TLL2: variants seen among roughly 807,000 people sequenced by gnomAD.
The protein encoded by TLL2 is tolloid like 2, also known as tolloid-like protein 2.
Under a neutral mutation model 123.0 loss-of-function variants are expected in TLL2, and 106 were observed. The ratio of observed to expected loss-of-function variants is 0.86; its 90% CI spans 0.74 to 1.01. The LOEUF is 1.01. Ranked by LOEUF, TLL2 falls within the 50% of genes least tolerant of loss-of-function variation. TLL2 has a pLI of 0.00. For synonymous variants in TLL2, 494 were observed against 516.8 expected, an observed-to-expected ratio of 0.96 and a Z score of 0.60; for missense variants, 1,332 against 1,336.7, an observed-to-expected ratio of 1.00 and a Z score of 0.06.
At chr10:96,390,220 G>A (rs1395712957) in intron 13 of TLL2, among the ~76,000 whole-genome samples, 1 of 152,246 alleles carries the variant, frequency 6.6e-6, no homozygotes, top group East Asian at 1.9e-4. Flanking sequence ...AAATTGTTCA[G>A]AGAAAGTTAA....
At chr10:96,452,141 T>A (rs11188761) in intron 2 of TLL2, among the ~76,000 whole-genome samples, 46,217 of 152,192 alleles carry the variant, frequency 0.3, 7,797 homozygotes, top group Middle Eastern at 0.48. Context: ...ATGGAGGGGA[T>A]GGAAATTAAC....
intron 3 of TLL2, among the ~76,000 whole-genome samples, chr10:96,436,035 C>G (rs569392631): frequency 2.8e-4 from 43 of 152,294 alleles, no homozygotes; most frequent in Admixed American, 1.7e-3. Flanking sequence ...TCTAACACTG[C>G]ACTGTGTTCT....
intron 7 of TLL2, among the ~76,000 whole-genome samples, chr10:96,418,824 A>T (rs1349928812): frequency 6.7e-6 from 1 of 148,252 alleles, no homozygotes; most frequent in African/African-American, 2.5e-5. Context: ...GAATATATAA[A>T]TTGAATATAT....
intron 14 of TLL2, among the ~76,000 whole-genome samples, chr10:96,386,598 G>A (rs1222664386): frequency 1.3e-5 from 2 of 152,220 alleles, no homozygotes; most frequent in Admixed American, 6.5e-5. Context: ...ACACAAGCCA[G>A]GTAGAAATAG....
intron 2 of TLL2, among the ~76,000 whole-genome samples, chr10:96,449,788 A>T (rs1002020664): frequency 1.3e-5 from 2 of 151,630 alleles, no homozygotes. Context: ...TTGGCTTTCT[A>T]TTTTCCTCTT....
chr10:96,410,971 G>A (rs1315874756), intron 8 of TLL2, among the ~76,000 whole-genome samples: 2 of 152,148 alleles, frequency 1.3e-5, no homozygotes, highest in Non-Finnish European at 2.9e-5. Context: ...GCCAGGCGTG[G>A]TGGCTCACGC....
At chr10:96,472,307 C>T (rs1847191778) in intron 2 of TLL2, among the ~76,000 whole-genome samples, 1 of 152,132 alleles carries the variant, frequency 6.6e-6, no homozygotes, top group Non-Finnish European at 1.5e-5. Flanking sequence ...AGGGAGCCCC[C>T]CACTGACCCA....
At position 96,384,844 on chromosome 10, in the gene TLL2, T is replaced by G. The variant is rs549869753; in HGVS notation, c.2014-77A>C. On this transcript the variant is annotated intron_variant, in intron 15 of 20. Coordinates refer to ENST00000357947, the MANE Select transcript of TLL2 (RefSeq NM_012465.4). ...ACCCCCAGCACACTGCTGCACCTGC[T>G]TCCTGAGCGCCTCACCCTACCGTGT... 5 of 1,397,872 alleles carry G rather than the reference T, an allele frequency of 3.6e-6. No homozygotes were observed. The Admixed American group carries it at 7.4e-5, about 21-fold the overall frequency. The allele number at this position is 1,397,872 out of a possible 1,614,324, so 86.6% of individuals were successfully genotyped here.
chr10:96,470,716 G>A (rs1847170731), intron 2 of TLL2, among the ~76,000 whole-genome samples: 1 of 152,186 alleles, frequency 6.6e-6, no homozygotes. Context: ...TCTTGGCTCT[G>A]CCAATGATTA....
rs774640083 is a variant in TLL2, at chr10:96,513,715, A to C, written c.-30T>G. 1.6e-4 allele frequency: 234 copies of C among 1,469,794 alleles called. 2 individuals are homozygous for C. In the East Asian group the frequency reaches 6.1e-3, roughly 38 times the overall value. 91.0% of individuals were successfully genotyped at this position (1,469,794 alleles called of 1,614,324 possible). On this transcript the variant is annotated 5_prime_UTR_variant, in exon 1 of 21. Transcript: ENST00000357947. ...GCGCGGGGCCGGCTGGGGCAGAGGG[A>C]GTTGCGTGCACGAAAGCTCAGCTCG...
At chr10:96,377,953 C>T (rs975909485) in intron 17 of TLL2, among the ~76,000 whole-genome samples, 1 of 152,214 alleles carries the variant, frequency 6.6e-6, no homozygotes, top group Non-Finnish European at 1.5e-5. Flanking sequence ...CTCCTGTCCT[C>T]TCCCACACTG....
chr10:96,396,314 A>T (rs1197985746), intron 11 of TLL2, among the ~76,000 whole-genome samples: 1 of 152,052 alleles, frequency 6.6e-6, no homozygotes, highest in Non-Finnish European at 1.5e-5. Flanking sequence ...CTGGGGCCAC[A>T]CTCCCCAGAG....
chr10:96,509,855 G>C (rs1275206869), intron 1 of TLL2, among the ~76,000 whole-genome samples: 1 of 152,256 alleles, frequency 6.6e-6, no homozygotes, highest in Non-Finnish European at 1.5e-5. Flanking sequence ...GCTGAGGCAG[G>C]AGAATGGCGT....
intron 10 of TLL2, among the ~76,000 whole-genome samples, chr10:96,398,786 T>G (rs1478679249): frequency 6.6e-6 from 1 of 152,080 alleles, no homozygotes; most frequent in Non-Finnish European, 1.5e-5. Flanking sequence ...ACTTGGAGAA[T>G]GTATTTAGCT....
At chr10:96,507,506 C>G (rs934697589) in intron 1 of TLL2, among the ~76,000 whole-genome samples, 1 of 151,954 alleles carries the variant, frequency 6.6e-6, no homozygotes, top group African/African-American at 2.4e-5. Context: ...ATTTCCTCTA[C>G]AGCATTTCAA....
intron 1 of TLL2, among the ~76,000 whole-genome samples, chr10:96,489,094 A>G (rs1214759709): frequency 6.6e-6 from 1 of 152,232 alleles, no homozygotes; most frequent in Non-Finnish European, 1.5e-5. Context: ...GCATGAGTGC[A>G]TAGGGCAACC....
At chr10:96,407,875 G>A (rs1426515947) in intron 9 of TLL2, among the ~76,000 whole-genome samples, 1 of 151,988 alleles carries the variant, frequency 6.6e-6, no homozygotes. Flanking sequence ...GTGCGCACAC[G>A]TGTGTGCGTG....
intron 2 of TLL2, among the ~76,000 whole-genome samples, chr10:96,449,570 T>TA (rs1481116443): frequency 5.9e-5 from 9 of 152,208 alleles, no homozygotes; most frequent in African/African-American, 2.2e-4. Flanking sequence ...TACCTGGAGT[T>TA]AATGTGGCTT....
intron 1 of TLL2, among the ~76,000 whole-genome samples, chr10:96,512,526 C>T (rs1030320600): frequency 6.6e-6 from 1 of 152,214 alleles, no homozygotes; most frequent in Non-Finnish European, 1.5e-5. Context: ...CTCTTCCCTC[C>T]CCATTCTTCT....
Sources: allele counts gnomAD v4.1 joint callset (sites outside exome capture counted in the v4.1 genomes callset), GRCh38; gene constraint gnomAD v4.1.1; transcripts MANE v1.5; gene names NCBI Gene and HGNC (gene_info 2026-07-23, HGNC 2026-07-21).